The following WIZ variants were observed in gnomAD, a reference collection of about 807,000 sequenced individuals.
WIZ encodes the protein WIZ zinc finger.
A neutral mutation model predicts 140.2 loss-of-function variants in WIZ; 25 were observed. The ratio of observed to expected loss-of-function variants is 0.18; its 90% CI spans 0.13 to 0.25. The LOEUF is 0.25. Ranked by LOEUF, WIZ falls within the 10% of genes least tolerant of loss-of-function variation. The probability of loss-of-function intolerance (pLI) is 1.00; values close to 1 mark genes in which losing one functional copy is unlikely to be tolerated. For missense variants in WIZ, 2,231 were observed against 2,632.6 expected, an observed-to-expected ratio of 0.85 and a Z score of 3.34; for synonymous variants, 1,125 against 1,154.3, an observed-to-expected ratio of 0.97 and a Z score of 0.51.
intron 2 of WIZ, among the ~76,000 whole-genome samples, chr19:15,443,393 C>T (rs1194197263): frequency 1.3e-5 from 2 of 152,170 alleles, no homozygotes; most frequent in Non-Finnish European, 2.9e-5. Flanking sequence ...CTCTTAGCCG[C>T]CACCTACAAG....
rs748611369 is a variant in WIZ, at chr19:15,424,793, C to A, written c.5134G>T (p.Asp1712Tyr). 1.1e-5 allele frequency: 17 copies of A among 1,600,560 alleles called. No individual in the cohort carries two copies. Among genetic ancestry groups the A allele is most frequent in the Non-Finnish European group, 1.4e-5 (17 of 1,174,772 alleles). ...CCCAGGGACGGCCGCTTGTCACTGTCACGGCCATGGCCGGCACTGCGGAAC... is the reference window on the plus strand; with the variant it reads ...CCCAGGGACGGCCGCTTGTCACTGTAACGGCCATGGCCGGCACTGCGGAAC... ...KKFRSAGHGRDSDKRPSLGLA... is the reference protein window; with the variant it reads ...KKFRSAGHGRYSDKRPSLGLA... Residue 1712 changes from aspartate to tyrosine, a missense_variant, in exon 11 of 13, where the codon GAC (aspartate) becomes TAC (tyrosine). Asp to Tyr is a radical substitution (Grantham distance 160, BLOSUM62 -3). Coordinates refer to ENST00000673675, the MANE Select transcript of WIZ (RefSeq NM_001371589.1). The surrounding 1 kb of genome is among the most constrained non-coding windows in gnomAD (Gnocchi z 9.7).
rs768102512 is a variant in WIZ, at chr19:15,431,176, C to T, written c.2747G>A (p.Gly916Asp). ...DPGPAYGDGL[G>D]SEENAMVAMD... ...GGCCACCATTGCGTTTTCCTCAGAA[C>T]CCAGGCCTGTGGGTTGGGGAGACAG... is the stretch of plus-strand genomic sequence containing the variant. The change falls in exon 6 of 13, where the codon GGT (glycine) becomes GAT (aspartate). Residue 916 changes from glycine to aspartate, a missense_variant. Transcript: ENST00000673675. 2.0e-6 allele frequency: 3 copies of T among 1,521,838 alleles called. No homozygotes were observed. Among genetic ancestry groups the T allele is most frequent in the Non-Finnish European group, 2.6e-6 (3 of 1,137,646 alleles). The allele number at this position is 1,521,838 out of a possible 1,614,324, so 94.3% of individuals were successfully genotyped here. A position where few individuals can be genotyped will look rare whatever the true frequency, so the allele number is the denominator to read the frequency against.
At position 15,430,752 on chromosome 19, in the gene WIZ, G is replaced by T. The variant is rs958685164; in HGVS notation, c.2911+260C>A. Among the ~76,000 whole-genome samples, 20 of 152,186 alleles carry T rather than the reference G, an allele frequency of 1.3e-4. No individual in the cohort carries two copies. The Middle Eastern group carries it at 0.01, about 78-fold the overall frequency. ...GATTCAGCAAATGAGCTGGGTCTGA[G>T]TATGAGCTCTGGACCACCACACCCA... On this transcript the variant is annotated intron_variant, in intron 6 of 12. Transcript: ENST00000673675.
In WIZ at chr19:15,427,659, G is replaced by A; in HGVS notation, c.3815-126C>T. The A allele has an allele frequency of 3.6e-6, 4 of 1,106,648 alleles. No individual in the cohort carries two copies. Among genetic ancestry groups the A allele is most frequent in the South Asian group, 1.6e-5 (1 of 61,944 alleles). The allele number at this position is 1,106,648 out of a possible 1,614,324, so 68.6% of individuals were successfully genotyped here. On this transcript the variant is annotated intron_variant, in intron 8 of 12. Coordinates refer to ENST00000673675, the MANE Select transcript of WIZ (RefSeq NM_001371589.1). The surrounding 1 kb of genome is among the most constrained non-coding windows in gnomAD (Gnocchi z 6.4). ...CCCACAGGTTAGGGTGGTGAGGGCA[G>A]GTGCAGGTAAGGGAGTGGAGGAGCG...
chr19:15,439,634 A>G lies in WIZ; in HGVS notation c.1360T>C (p.Tyr454His). The G allele has an allele frequency of 1.3e-6, 2 of 1,489,906 alleles. No homozygotes were observed. The highest frequency in any genetic ancestry group is 1.8e-6 in the Non-Finnish European group (2 of 1,125,820). 92.3% of individuals were successfully genotyped at this position (1,489,906 alleles called of 1,614,324 possible). ...SPSPEASALL[Y>H]QPYGAAVGLS... ...CCAACGGCAGCTCCGTAGGGCTGAT[A>G]GAGGAGGGCGCTGGCCTCAGGGCTG... Residue 454 changes from tyrosine to histidine, a missense_variant, in exon 4 of 13, where the codon TAT (tyrosine) becomes CAT (histidine). This residue lies in a region of WIZ where 475 missense variants were observed against 520.2 expected (regional missense o/e 0.91). Transcript: ENST00000673675. The surrounding 1 kb of genome is among the most constrained non-coding windows in gnomAD (Gnocchi z 7.0).
chr19:15,432,599 GGGGCGCCCCCGCGGGCGCGCGCTCCC>G (rs1292555007), intron 5 of WIZ: 2 of 285,372 alleles, frequency 7.0e-6, no homozygotes, highest in South Asian at 1.3e-4. Flanking sequence ...GGGCTGGGCG[GGGGCGCCCCCGCGGGCGCGCGCTCCC>G]GGGCGCCCCC....
rs780187049 is a variant in WIZ at position 15,448,180 on chromosome 19, A to G, written c.128T>C (p.Ile43Thr). 6 of 1,612,726 alleles carry G rather than the reference A, an allele frequency of 3.7e-6. No individual in the cohort carries two copies. The South Asian group carries it at 6.6e-5, about 18-fold the overall frequency. ...GAEAAEGEGG[I>T]FRSTRYLPVT... ...AGGCAGGTAACGGGTGGACCGGAAG[A>G]TGCCACCTTCCCCCTCAGCAGCTTC... Residue 43 changes from isoleucine (I) to threonine (T), a missense_variant, in exon 2 of 13, where the codon ATC becomes ACC. Around this residue, in one of 15 missense-constraint regions of WIZ, gnomAD observed 85 missense variants for 90.9 expected, o/e 0.94. Coordinates refer to ENST00000673675, the MANE Select transcript of WIZ (RefSeq NM_001371589.1).
chr19:15,438,850 T>A lies in WIZ; in HGVS notation c.2144A>T (p.His715Leu). Reference sequence around the variant, plus strand: ...GTCCAGGAGCAGGAAGTCCAGGGGGTGGGCGCCTGCCAGCCCCAGCTCCTC... The same window carrying A: ...GTCCAGGAGCAGGAAGTCCAGGGGGAGGGCGCCTGCCAGCCCCAGCTCCTC... ...QPEELGLAGA[H>L]PLDFLLLDAP... is the part of the protein sequence containing the mutation. Residue 715 changes from histidine (H) to leucine (L), a missense_variant, in exon 4 of 13, where the codon CAC becomes CTC. This residue lies in a region of WIZ where 475 missense variants were observed against 520.2 expected (regional missense o/e 0.91). Coordinates refer to ENST00000673675, the MANE Select transcript of WIZ (RefSeq NM_001371589.1). The A allele has an allele frequency of 6.8e-7, 1 of 1,476,162 alleles. No homozygotes were observed. The highest frequency in any genetic ancestry group is 9.0e-7 in the Non-Finnish European group (1 of 1,112,252). 91.4% of individuals were successfully genotyped at this position (1,476,162 alleles called of 1,614,324 possible). A position where few individuals can be genotyped will look rare whatever the true frequency, so the allele number is the denominator to read the frequency against.
intron 6 of WIZ, among the ~76,000 whole-genome samples, chr19:15,430,790 G>T (rs970684701): frequency 2.6e-5 from 4 of 152,240 alleles, no homozygotes; most frequent in Admixed American, 2.6e-4. Flanking sequence ...GCTTCTGGAT[G>T]CTGTCCCTCG....
rs1443213338 is a variant in WIZ at position 15,440,357 on chromosome 19, C to A, written c.637G>T (p.Ala213Ser). The change falls in exon 4 of 13, where the codon GCC becomes TCC. Residue 213 changes from alanine (A) to serine (S), a missense_variant. Coordinates refer to ENST00000673675, the MANE Select transcript of WIZ (RefSeq NM_001371589.1). This position sits in a 1 kb window ranked among gnomAD's most constrained non-coding sequence, Gnocchi z 6.2. Reference protein sequence around the residue: ...LDLPAQPPPLAPFRRVFVPVE... With the variant: ...LDLPAQPPPLSPFRRVFVPVE... ...GGCACAAACACCCTCCTGAAGGGGG[C>A]GAGGGGTGGCGGCTGGGCAGGCAGG... 6.5e-7 allele frequency: 1 copy of A among 1,530,106 alleles called. No homozygotes were observed. The highest frequency in any genetic ancestry group is 8.8e-7 in the Non-Finnish European group (1 of 1,142,676). The allele number at this position is 1,530,106 out of a possible 1,614,324, so 94.8% of individuals were successfully genotyped here.
Position 15,428,620 on chromosome 19 carries a change from C to A in WIZ, c.3416-112G>T. The stretch of plus-strand genomic sequence containing the variant: ...TGGCTGCTCAGGCAGTTGGGGGGTC[C>A]AAGACTCAGGCCGCAGATTTCTTTT... On this transcript the variant is annotated intron_variant, in intron 7 of 12. Coordinates refer to ENST00000673675, the MANE Select transcript of WIZ (RefSeq NM_001371589.1). This position sits in a 1 kb window ranked among gnomAD's most constrained non-coding sequence, Gnocchi z 6.4. 1.6e-6 allele frequency: 2 copies of A among 1,287,612 alleles called. No individual in the cohort carries two copies. The highest frequency in any genetic ancestry group is 2.1e-6 in the Non-Finnish European group (2 of 938,216). The allele number at this position is 1,287,612 out of a possible 1,614,324, so 79.8% of individuals were successfully genotyped here. A position where few individuals can be genotyped will look rare whatever the true frequency, so the allele number is the denominator to read the frequency against.
At position 15,421,209 on chromosome 19, in the gene WIZ, C is replaced by T. The variant is rs577060330; in HGVS notation, c.*1867G>A. On this transcript the variant is annotated 3_prime_UTR_variant, in exon 13 of 13. Coordinates refer to ENST00000673675, the MANE Select transcript of WIZ (RefSeq NM_001371589.1). Reference sequence around the variant, plus strand: ...AGCTCACAAGATGCTCTCCCTGCTTCCTAAGTCCTGGATACATCCACCCAC... The same window carrying T: ...AGCTCACAAGATGCTCTCCCTGCTTTCTAAGTCCTGGATACATCCACCCAC... 2 of 152,404 alleles carry T rather than the reference C, an allele frequency of 1.3e-5. No individual in the cohort carries two copies. Among genetic ancestry groups the T allele is most frequent in the African/African-American group, 2.4e-5 (1 of 41,590 alleles). 9.4% of individuals were successfully genotyped at this position (152,404 alleles called of 1,614,324 possible).
Position 15,423,129 on chromosome 19 carries a change from G to A in WIZ, c.5617C>T (p.Pro1873Ser), listed in dbSNP as rs1250428107. The A allele has an allele frequency of 6.2e-7, 1 of 1,612,748 alleles. No homozygotes were observed. Among genetic ancestry groups the A allele is most frequent in the Non-Finnish European group, 8.5e-7 (1 of 1,179,880 alleles). ...EMNFSKADPP[P>S]EESQAPQAQT... The stretch of plus-strand genomic sequence containing the variant: ...GCCTGCGGGGCCTGGGACTCCTCAG[G>A]TGGGGGGTCCGCTTTGGAGAAGTTC... The change falls in exon 13 of 13, where the codon CCT (proline) becomes TCT (serine). Residue 1873 changes from proline to serine, a missense_variant. Pro to Ser is a moderately conservative substitution (Grantham distance 74). Coordinates refer to ENST00000673675, the MANE Select transcript of WIZ (RefSeq NM_001371589.1).
Position 15,439,645 on chromosome 19 carries a change from C to A in WIZ, c.1349G>T (p.Ser450Ile). 1 of 1,495,498 alleles carries A rather than the reference C, an allele frequency of 6.7e-7. No homozygotes were observed. The highest frequency in any genetic ancestry group is 8.9e-7 in the Non-Finnish European group (1 of 1,128,426). The allele number at this position is 1,495,498 out of a possible 1,614,324, so 92.6% of individuals were successfully genotyped here. A position where few individuals can be genotyped will look rare whatever the true frequency, so the allele number is the denominator to read the frequency against. Residue 450 changes from serine to isoleucine, a missense_variant, in exon 4 of 13, where the codon AGC becomes ATC. Coordinates refer to ENST00000673675, the MANE Select transcript of WIZ (RefSeq NM_001371589.1). This position sits in a 1 kb window ranked among gnomAD's most constrained non-coding sequence, Gnocchi z 7.0. ...TCCGTAGGGCTGATAGAGGAGGGCG[C>A]TGGCCTCAGGGCTGGGGCTGCCAGC... ...SGAGSPSPEA[S>I]ALLYQPYGAA...
rs550824252 is a variant in WIZ, at chr19:15,428,861, C to T, written c.3416-353G>A. Among the ~76,000 whole-genome samples, 2 of 152,274 alleles carry T rather than the reference C, an allele frequency of 1.3e-5. No homozygotes were observed. Among genetic ancestry groups the T allele is most frequent in the East Asian group, 3.9e-4 (2 of 5,180 alleles). ...AGCCAAGGGCACACCTGCTCAAGGC[C>T]CTGCCCCTGGAAGCACGGCAGACTC... On this transcript the variant is annotated intron_variant, in intron 7 of 12. Coordinates refer to ENST00000673675, the MANE Select transcript of WIZ (RefSeq NM_001371589.1). This position sits in a 1 kb window ranked among gnomAD's most constrained non-coding sequence, Gnocchi z 6.4.
Position 15,429,835 on chromosome 19 carries a change from G to A in WIZ, c.3166C>T (p.Leu1056Phe), listed in dbSNP as rs1969108789. The A allele has an allele frequency of 6.5e-7, 1 of 1,529,904 alleles. No individual in the cohort carries two copies. The highest frequency in any genetic ancestry group is 8.8e-7 in the Non-Finnish European group (1 of 1,142,760). 94.8% of individuals were successfully genotyped at this position (1,529,904 alleles called of 1,614,324 possible). A position where few individuals can be genotyped will look rare whatever the true frequency, so the allele number is the denominator to read the frequency against. Residue 1056 changes from leucine (L) to phenylalanine (F), a missense_variant, in exon 7 of 13, where the codon CTC (leucine) becomes TTC (phenylalanine). Physicochemically the swap from Leu to Phe is conservative, Grantham distance 22. Coordinates refer to ENST00000673675, the MANE Select transcript of WIZ (RefSeq NM_001371589.1). ...VVAGAPRPGL[L>F]SLAKPLDAPA... ...GCATCCAAGGGCTTGGCCAGGCTGA[G>A]CAAGCCGGGCCGGGGGGCCCCGGCG...
intron 2 of WIZ, among the ~76,000 whole-genome samples, chr19:15,444,173 C>A (rs190294426): frequency 6.6e-6 from 1 of 152,262 alleles, no homozygotes. Flanking sequence ...GGGGCGAATT[C>A]TTTTTCCAAT....
At chr19:15,448,488 C>G in intron 1 of WIZ, 121 bp from the exon 2 acceptor site, 1 of 734,228 alleles carries the variant, frequency 1.4e-6, no homozygotes. Context: ...ACCTCCCAGC[C>G]CAGGGGAGCT....
intron 2 of WIZ, among the ~76,000 whole-genome samples, chr19:15,445,410 G>T (rs1052429463): frequency 2.0e-5 from 3 of 152,210 alleles, no homozygotes; most frequent in African/African-American, 4.8e-5. Context: ...CCAGCAATGG[G>T]TGCCAGCAAG....
Sources: gnomAD v4.1 joint callset for allele counts (sites outside exome capture counted in the v4.1 genomes callset) on GRCh38, gnomAD v4.1.1 for gene constraint, gnomAD v4.1.1 regional missense constraint, Gnocchi (gnomAD v3.1) non-coding constraint, MANE v1.5 for transcripts, NCBI Gene and HGNC (gene_info 2026-07-23, HGNC 2026-07-21) for gene names.